Variants in SPAG17 observed in about 807,000 individuals in gnomAD.
The protein encoded by SPAG17 is sperm-associated antigen 17.
In SPAG17, 169 loss-of-function variants were observed where a neutral mutation model predicts 273.6. The ratio of observed to expected loss-of-function variants is 0.62; its 90% CI spans 0.55 to 0.70. SPAG17 has a LOEUF of 0.70. SPAG17 is among the 30% of genes least tolerant of loss of function. The pLI is 0.00. For missense variants in SPAG17, 2,557 were observed against 2,627.8 expected (o/e 0.97, Z 0.59); for synonymous variants, 825 against 873.2 (o/e 0.94, Z 0.97).
intron 48 of SPAG17, chr1:117,959,212 G>T: frequency 5.3e-6 from 8 of 1,502,948 alleles, no homozygotes; most frequent in Non-Finnish European, 6.3e-6. Flanking sequence ...CTGAAGCTTT[G>T]GTTACCCTAA....
chr1:118,158,831 A>G (rs972186126), intron 1 of SPAG17, among the ~76,000 whole-genome samples: 1 of 152,182 alleles, frequency 6.6e-6, no homozygotes, highest in South Asian at 2.1e-4. Context: ...TGCATTTCCA[A>G]AAAGGAATCC....
intron 46 of SPAG17, among the ~76,000 whole-genome samples, chr1:117,968,798 G>T (rs1038602260): frequency 6.6e-6 from 1 of 152,176 alleles, no homozygotes; most frequent in Non-Finnish European, 1.5e-5. Flanking sequence ...GGATACTTTT[G>T]TGCACTGTTC....
chr1:118,173,144 C>T lies in SPAG17; in HGVS notation c.87+11927G>A, dbSNP rs561905488. On this transcript the variant is annotated intron_variant, in intron 1 of 48. Coordinates refer to ENST00000336338, the MANE Select transcript of SPAG17 (RefSeq NM_206996.4). ...TTTGCCCACCATTAAAAAAAAAAAC[C>T]GTAGAGACTAACGTAGCAGTATAGG... 2.1e-4 allele frequency among the ~76,000 whole-genome samples: 32 copies of T among 151,630 alleles called. No homozygotes were observed. In the South Asian group the frequency reaches 2.5e-3, roughly 12 times the overall value.
chr1:118,169,095 T>C (rs1408665317), intron 1 of SPAG17, among the ~76,000 whole-genome samples: 1 of 152,192 alleles, frequency 6.6e-6, no homozygotes, highest in East Asian at 1.9e-4. Flanking sequence ...TCCTAGGATG[T>C]TGCCAAACTC....
At chr1:118,086,845 G>T (rs771156888) in intron 11 of SPAG17, 26 bp downstream of exon 11, 3 of 1,614,126 alleles carry the variant, frequency 1.9e-6, no homozygotes, top group East Asian at 2.2e-5. Context: ...AAAGCATGAA[G>T]ACTCTGCTAT....
chr1:118,052,340 C>G (rs1332653787), intron 20 of SPAG17, among the ~76,000 whole-genome samples: 1 of 151,578 alleles, frequency 6.6e-6, no homozygotes, highest in East Asian at 1.9e-4. Flanking sequence ...TATGTGGAAT[C>G]TAAAAGAGTT....
Position 117,953,604 on chromosome 1 carries a change from T to C in SPAG17, c.*446A>G. On this transcript the variant is annotated 3_prime_UTR_variant, in exon 49 of 49. Transcript: ENST00000336338. ...AAGATCTCAACTTTTTAGTAAAAGT[T>C]TTATTCTGTATCAACCAGAAAGCCA... 6.4e-7 allele frequency: 1 copy of C among 1,562,908 alleles called. No individual in the cohort carries two copies.
intron 17 of SPAG17, among the ~76,000 whole-genome samples, chr1:118,072,685 G>T (rs776543095): frequency 1.1e-4 from 17 of 152,182 alleles, no homozygotes; most frequent in Non-Finnish European, 2.1e-4. Flanking sequence ...ACACAGTTCA[G>T]CTGTGAATAG....
At chr1:118,021,779 A>G (rs369476212) in intron 28 of SPAG17, among the ~76,000 whole-genome samples, 12 of 152,268 alleles carry the variant, frequency 7.9e-5, no homozygotes, top group East Asian at 3.9e-4. Flanking sequence ...CTGTGCTAGA[A>G]GCAGAAGTCC....
At chr1:118,077,438 A>G (rs1183391314) in intron 15 of SPAG17, among the ~76,000 whole-genome samples, 1 of 152,186 alleles carries the variant, frequency 6.6e-6, no homozygotes, top group Non-Finnish European at 1.5e-5. Context: ...TACTATTCAT[A>G]TAATAATCTA....
chr1:118,143,186 A>G (rs1658773611), intron 3 of SPAG17, among the ~76,000 whole-genome samples: 1 of 152,246 alleles, frequency 6.6e-6, no homozygotes. Flanking sequence ...TAATAAACAT[A>G]TCATAGAACT....
At chr1:118,075,297 A>G (rs1653985991) in intron 15 of SPAG17, among the ~76,000 whole-genome samples, 1 of 152,222 alleles carries the variant, frequency 6.6e-6, no homozygotes, top group African/African-American at 2.4e-5. Context: ...TAGCTTTCCT[A>G]GTAATGACAG....
chr1:118,004,014 T>C (rs185393846), intron 32 of SPAG17, among the ~76,000 whole-genome samples: 1 of 152,060 alleles, frequency 6.6e-6, no homozygotes, highest in African/African-American at 2.4e-5. Flanking sequence ...ATGTCCTTTT[T>C]GTTGATGCTG....
chr1:118,040,600 G>A, intron 22 of SPAG17, 130 bp downstream of exon 22: 1 of 642,936 alleles, frequency 1.6e-6, no homozygotes, highest in Admixed American at 2.8e-5. Flanking sequence ...AATGCTGACT[G>A]TGGCACCTAA....
intron 1 of SPAG17, among the ~76,000 whole-genome samples, chr1:118,156,454 C>G (rs184490252): frequency 9.8e-5 from 15 of 152,304 alleles, no homozygotes; most frequent in African/African-American, 3.6e-4. Flanking sequence ...GTCCATGGCC[C>G]TGGAGTCCTT....
In SPAG17 at chr1:118,064,393, A is replaced by AT. The variant is rs768988488; in HGVS notation, c.2540+2351dup. Among the ~76,000 whole-genome samples, 412 of 151,822 alleles carry AT rather than the reference A, an allele frequency of 2.7e-3. 1 individual carries two copies. The highest frequency in any genetic ancestry group is 5.0e-3 in the Non-Finnish European group (341 of 67,942). On this transcript the variant is annotated intron_variant, in intron 18 of 48. Coordinates refer to ENST00000336338, the MANE Select transcript of SPAG17 (RefSeq NM_206996.4). ...AAATGTGGCACATATACACCATGGA[A>AT]TACTATGCAGCCATAAAAAATGAAG...
At chr1:117,972,690 G>A (rs1001750705) in intron 44 of SPAG17, among the ~76,000 whole-genome samples, 5 of 151,716 alleles carry the variant, frequency 3.3e-5, no homozygotes, top group African/African-American at 7.3e-5. Flanking sequence ...AATTTGAGAC[G>A]TACTGTAATT....
At chr1:118,071,366 T>C (rs1402365301) in intron 17 of SPAG17, among the ~76,000 whole-genome samples, 1 of 152,184 alleles carries the variant, frequency 6.6e-6, no homozygotes, top group Non-Finnish European at 1.5e-5. Context: ...GAAGGTATTA[T>C]ATCAGAAATG....
chr1:118,108,704 CTTT>C (rs560213815), intron 4 of SPAG17, among the ~76,000 whole-genome samples: 2 of 143,816 alleles, frequency 1.4e-5, no homozygotes, highest in Non-Finnish European at 3.1e-5. Context: ...CCACAGATTA[CTTT>C]TTTTTTTTTT....
Sources: gnomAD v4.1 joint callset for allele counts (sites outside exome capture counted in the v4.1 genomes callset) on GRCh38, gnomAD v4.1.1 for gene constraint, MANE v1.5 for transcripts, NCBI Gene and HGNC (gene_info 2026-07-23, HGNC 2026-07-21) for gene names.